RBM12B: variants seen among roughly 807,000 people sequenced by gnomAD.
RBM12B encodes RNA binding motif protein 12B, also known as RNA-binding protein 12B.
Under a neutral mutation model 34.3 loss-of-function variants are expected in RBM12B, and 10 were observed. The ratio of observed to expected loss-of-function variants is 0.29; its 90% CI spans 0.18 to 0.49. The LOEUF (loss-of-function observed/expected upper bound fraction) is 0.49, where lower values mean the gene tolerates loss of function less well. RBM12B is among the 20% of genes least tolerant of loss of function. The pLI, the probability that RBM12B is intolerant of heterozygous loss-of-function variation, is 0.99. For synonymous variants in RBM12B, 477 were observed against 437.1 expected, an observed-to-expected ratio of 1.09 and a Z score of -1.14; for missense variants, 1,139 against 1,262.7, an observed-to-expected ratio of 0.90 and a Z score of 1.48.
In RBM12B at chr8:93,728,977, C is replaced by G. The variant is rs529287696; in HGVS notation, c.*4428G>C. Reference sequence around the variant, plus strand: ...GAAGGCTAATTTGGTGGAATGTTGCCTCATCATAGAACACCATAGATCATT... The same window carrying G: ...GAAGGCTAATTTGGTGGAATGTTGCGTCATCATAGAACACCATAGATCATT... On this transcript the variant is annotated 3_prime_UTR_variant, in exon 4 of 4. Transcript: ENST00000520560. 3 of 152,112 alleles carry G rather than the reference C, an allele frequency of 2.0e-5. No individual in the cohort carries two copies. In the East Asian group the frequency reaches 5.8e-4, roughly 29 times the overall value. The allele number at this position is 152,112 out of a possible 1,614,324, so 9.4% of individuals were successfully genotyped here.
chr8:93,736,528 T>G, intron 3 of RBM12B, 90 bp from the exon 4 acceptor site: 2 of 953,120 alleles, frequency 2.1e-6, no homozygotes, highest in Non-Finnish European at 2.9e-6. Context: ...GTTCCTGCTT[T>G]CTTCAACATT....
In RBM12B at chr8:93,728,878, AAAG is replaced by A. The variant is rs1232716985; in HGVS notation, c.*4524_*4526del. On this transcript the variant is annotated 3_prime_UTR_variant, in exon 4 of 4. Coordinates refer to ENST00000520560, the MANE Select transcript of RBM12B (RefSeq NM_001377960.1). Reference sequence around the variant, plus strand: ...ATAAGGCATAAATTTCAGCTGTAAAAAAGCTACATTCAATCTGACTCTGGTTTT... The same window carrying A: ...ATAAGGCATAAATTTCAGCTGTAAAACTACATTCAATCTGACTCTGGTTTT... 1 of 152,102 alleles carries A rather than the reference AAAG, an allele frequency of 6.6e-6. No individual in the cohort carries two copies. Among genetic ancestry groups the A allele is most frequent in the African/African-American group, 2.4e-5 (1 of 41,446 alleles). The allele number at this position is 152,102 out of a possible 1,614,324, so 9.4% of individuals were successfully genotyped here.
rs1812177278 is a variant in RBM12B, at chr8:93,740,643, G to A, written c.-92C>T. ...AAAAAATATACCTATGAAATCCTTC[G>A]AGATCTTCACTCTCAAGATCCCTGG... On this transcript the variant is annotated 5_prime_UTR_variant, in exon 2 of 4. Transcript: ENST00000520560. 1 of 388,716 alleles carries A rather than the reference G, an allele frequency of 2.6e-6. No homozygotes were observed. The allele number at this position is 388,716 out of a possible 1,614,324, so 24.1% of individuals were successfully genotyped here. A position where few individuals can be genotyped will look rare whatever the true frequency, so the allele number is the denominator to read the frequency against.
rs553924299 is a variant in RBM12B, at chr8:93,731,575, G to A, written c.*1830C>T. The A allele has an allele frequency of 6.6e-6, 1 of 152,100 alleles. No individual in the cohort carries two copies. 9.4% of individuals were successfully genotyped at this position (152,100 alleles called of 1,614,324 possible). On this transcript the variant is annotated 3_prime_UTR_variant, in exon 4 of 4. Transcript: ENST00000520560. The stretch of plus-strand genomic sequence containing the variant: ...TCACTATTTAAAACAAATTTAAGCA[G>A]ATTTCTGTTAGATTTCTTTAAATCA...
rs1200235566 is a variant in RBM12B, at chr8:93,732,852, C to T, written c.*553G>A. The T allele has an allele frequency of 6.6e-6, 1 of 152,102 alleles. No homozygotes were observed. The highest frequency in any genetic ancestry group is 6.6e-5 in the Admixed American group (1 of 15,260). 9.4% of individuals were successfully genotyped at this position (152,102 alleles called of 1,614,324 possible). A position where few individuals can be genotyped will look rare whatever the true frequency, so the allele number is the denominator to read the frequency against. On this transcript the variant is annotated 3_prime_UTR_variant, in exon 4 of 4. Transcript: ENST00000520560. Reference sequence around the variant, plus strand: ...ATGGAAACCCTAAGAATCACCTAAGCTTTTTACATAAGTAAATTTCAAGTT... The same window carrying T: ...ATGGAAACCCTAAGAATCACCTAAGTTTTTTACATAAGTAAATTTCAAGTT...
In RBM12B at chr8:93,735,321, G is replaced by A. The variant is rs1354170346; in HGVS notation, c.1090C>T (p.Leu364=). 2 of 1,613,912 alleles carry A rather than the reference G, an allele frequency of 1.2e-6. No individual in the cohort carries two copies. Among genetic ancestry groups the A allele is most frequent in the African/African-American group, 2.7e-5 (2 of 75,016 alleles). The change falls in exon 4 of 4, where the codon CTG becomes TTG. Residue 364 remains leucine, a synonymous_variant. Transcript: ENST00000520560. The part of the protein sequence containing the change: ...HIDPISRKQM[L]KFIARYEKKR... ...TTTTCATAACGTGCAATGAACTTCA[G>A]CATTTGTTTTCTAGAAATTGGATCA...
intron 2 of RBM12B, 27 bp downstream of exon 2, chr8:93,740,602 G>A (rs1328580262): frequency 3.0e-5 from 13 of 438,792 alleles, no homozygotes; most frequent in Admixed American, 1.0e-4. Context: ...CACTGACTAC[G>A]ATGACATAGC....
Position 93,733,981 on chromosome 8 carries a change from G to A in RBM12B, c.2430C>T (p.Asp810=). 2 of 1,613,222 alleles carry A rather than the reference G, an allele frequency of 1.2e-6. No homozygotes were observed. Among genetic ancestry groups the A allele is most frequent in the Non-Finnish European group, 1.7e-6 (2 of 1,179,766 alleles). Residue 810 remains aspartate (D), a synonymous_variant, in exon 4 of 4, where the codon GAC becomes GAT. Transcript: ENST00000520560. ...EEDFRHPPDE[D]FRGPPDEDFR... ...AGTCTTCATCAGGAGGGCCCCTGAA[G>A]TCTTCATCTGGTGGGTGCCTGAAAT...
chr8:93,737,197 G>C (rs914551631), intron 3 of RBM12B, 110 bp downstream of exon 3: 2 of 151,948 alleles, frequency 1.3e-5, no homozygotes, highest in African/African-American at 4.8e-5. Flanking sequence ...ACAGAGTGAG[G>C]CCCTGTCTTT....
intron 2 of RBM12B, among the ~76,000 whole-genome samples, chr8:93,737,743 G>A (rs1175193928): frequency 7.1e-6 from 1 of 141,702 alleles, no homozygotes; most frequent in Non-Finnish European, 1.5e-5. Flanking sequence ...ACATTTTGCT[G>A]TACACAAGTT....
At position 93,733,764 on chromosome 8, in the gene RBM12B, G is replaced by A. The variant is rs748400099; in HGVS notation, c.2647C>T (p.Arg883Cys). 3.0e-5 allele frequency: 49 copies of A among 1,614,012 alleles called. No individual in the cohort carries two copies. The highest frequency in any genetic ancestry group is 6.7e-5 in the East Asian group (3 of 44,890). Residue 883 changes from arginine (R) to cysteine (C), a missense_variant, in exon 4 of 4, where the codon CGC becomes TGC. By Grantham distance (180) the Arg-to-Cys change is radical. This residue lies in a region of RBM12B where 863 missense variants were observed against 869.5 expected (regional missense o/e 0.99). Transcript: ENST00000520560. ...GGGCGACCAAAATTCACAAAAGGGC[G>A]GTGACTTCTAAAATCATCAGGCGGG... ...RSPPDDFRSHRPFVNFGRPEG... is the reference protein window; with the variant it reads ...RSPPDDFRSHCPFVNFGRPEG...
rs1812188882 is a variant in RBM12B at position 93,740,865 on chromosome 8, G to A, written c.-146+16C>T. On this transcript the variant is annotated intron_variant, in intron 1 of 3. Coordinates refer to ENST00000520560, the MANE Select transcript of RBM12B (RefSeq NM_001377960.1). ...CCCCGAGGGGAACTGCTTCGCACTT[G>A]GCAATAAACACACACCACTGCTGCC... 3.1e-6 allele frequency: 1 copy of A among 318,514 alleles called. No individual in the cohort carries two copies. Among genetic ancestry groups the A allele is most frequent in the African/African-American group, 2.2e-5 (1 of 45,856 alleles). The allele number at this position is 318,514 out of a possible 1,614,324, so 19.7% of individuals were successfully genotyped here.
chr8:93,740,548 C>T (rs757725636), intron 2 of RBM12B, 81 bp downstream of exon 2: 1 of 456,454 alleles, frequency 2.2e-6, no homozygotes, highest in African/African-American at 2.0e-5. Flanking sequence ...AACACTTGCC[C>T]TTCTCAAGCC....
rs375969290 is a variant in RBM12B, at chr8:93,734,709, G to A, written c.1702C>T (p.Pro568Ser). ...FRHSSEDFRF[P>S]PEDFRHSPED... is the part of the protein sequence containing the mutation. The stretch of plus-strand genomic sequence containing the variant: ...GGGGAGTGCCTGAAGTCCTCCGGGG[G>A]GAACCTAAAGTCCTCTGAGGAGTGT... The change falls in exon 4 of 4, where the codon CCC becomes TCC. Residue 568 changes from proline (P) to serine (S), a missense_variant. Around this residue, in one of 3 missense-constraint regions of RBM12B, gnomAD observed 863 missense variants for 869.5 expected, o/e 0.99. Coordinates refer to ENST00000520560, the MANE Select transcript of RBM12B (RefSeq NM_001377960.1). 16 of 1,613,866 alleles carry A rather than the reference G, an allele frequency of 9.9e-6. No homozygotes were observed. The highest frequency in any genetic ancestry group is 1.4e-5 in the Non-Finnish European group (16 of 1,179,854).
intron 2 of RBM12B, among the ~76,000 whole-genome samples, chr8:93,738,183 T>A (rs550078232): frequency 6.6e-6 from 1 of 152,276 alleles, no homozygotes; most frequent in Admixed American, 6.5e-5. Flanking sequence ...AAATAGTAAC[T>A]GTTACAATTC....
Position 93,733,699 on chromosome 8 carries a change from T to C in RBM12B, c.2712A>G (p.Gly904=), listed in dbSNP as rs756091607. The stretch of plus-strand genomic sequence containing the variant: ...GCATAAATCTCCCCTCAGGAAAACT[T>C]CCCATATTATGCTTTCCAAAATCAA... The part of the protein sequence containing the change: ...GKFDFGKHNM[G]SFPEGRFMPD... Residue 904 remains glycine, a synonymous_variant, in exon 4 of 4, where the codon GGA becomes GGG. Transcript: ENST00000520560. 1.2e-6 allele frequency: 2 copies of C among 1,614,044 alleles called. No individual in the cohort carries two copies. Among genetic ancestry groups the C allele is most frequent in the South Asian group, 2.2e-5 (2 of 91,082 alleles).
In RBM12B at chr8:93,740,323, C is replaced by G. The variant is rs768856955; in HGVS notation, c.-78+306G>C. On this transcript the variant is annotated intron_variant, in intron 2 of 3. Coordinates refer to ENST00000520560, the MANE Select transcript of RBM12B (RefSeq NM_001377960.1). ...AGGCATCGATTCTACAGCCCAAAGC[C>G]TTTGTCCACAACTCCCAGGGGTCAG... is the stretch of plus-strand genomic sequence containing the variant. 5.5e-5 allele frequency: 25 copies of G among 457,198 alleles called. 2 individuals carry two copies. Among genetic ancestry groups the G allele is most frequent in the South Asian group, 3.9e-4 (25 of 64,576 alleles). The allele number at this position is 457,198 out of a possible 1,614,324, so 28.3% of individuals were successfully genotyped here. A position where few individuals can be genotyped will look rare whatever the true frequency, so the allele number is the denominator to read the frequency against.
In RBM12B at chr8:93,728,739, T is replaced by C. The variant is rs1306155851; in HGVS notation, c.*4666A>G. ...ATGAAGCCTTAAGAAAAAAAACTTT[T>C]TTTAACTTTCCCTGAAACTTTATCA... is the stretch of plus-strand genomic sequence containing the variant. On this transcript the variant is annotated 3_prime_UTR_variant, in exon 4 of 4. Transcript: ENST00000520560. 6.6e-6 allele frequency: 1 copy of C among 152,018 alleles called. No individual in the cohort carries two copies. The allele number at this position is 152,018 out of a possible 1,614,324, so 9.4% of individuals were successfully genotyped here. A position where few individuals can be genotyped will look rare whatever the true frequency, so the allele number is the denominator to read the frequency against.
chr8:93,734,785 A>T lies in RBM12B; in HGVS notation c.1626T>A (p.His542Gln). Reference sequence around the variant, plus strand: ...CAGGCTGCCGGAAATCCCTCTGGGGATGCTTGAAGTTATCCAGTTGCCTCA... The same window carrying T: ...CAGGCTGCCGGAAATCCCTCTGGGGTTGCTTGAAGTTATCCAGTTGCCTCA... ...EDLRQLDNFKHPQRDFRQPDR... is the reference protein window; with the variant it reads ...EDLRQLDNFKQPQRDFRQPDR... The change falls in exon 4 of 4, where the codon CAT becomes CAA. Residue 542 changes from histidine to glutamine, a missense_variant. Physicochemically the swap from His to Gln is conservative, Grantham distance 24. Coordinates refer to ENST00000520560, the MANE Select transcript of RBM12B (RefSeq NM_001377960.1). 6.2e-7 allele frequency: 1 copy of T among 1,614,160 alleles called. No homozygotes were observed. The highest frequency in any genetic ancestry group is 8.5e-7 in the Non-Finnish European group (1 of 1,180,020).
Sources: allele counts gnomAD v4.1 joint callset (sites outside exome capture counted in the v4.1 genomes callset), GRCh38; gene constraint gnomAD v4.1.1; regional missense constraint gnomAD v4.1.1; transcripts MANE v1.5; gene names NCBI Gene and HGNC (gene_info 2026-07-23, HGNC 2026-07-21).